Variants in CACNG2 observed in about 807,000 individuals in gnomAD.
CACNG2 encodes calcium voltage-gated channel auxiliary subunit gamma 2.
CACNG2 carries 3 observed loss-of-function variants against 25.9 expected under a neutral mutation model. The observed-to-expected ratio is 0.12, with a 90% CI of 0.05 to 0.30. CACNG2 has a LOEUF of 0.30. Among genes scored for constraint, CACNG2 ranks in the 10% least tolerant of loss-of-function variants. CACNG2 has a pLI of 1.00. For missense variants in CACNG2, 341 were observed against 432.5 expected, an observed-to-expected ratio of 0.79 and a Z score of 1.88; for synonymous variants, 167 against 173.3, an observed-to-expected ratio of 0.96 and a Z score of 0.29.
chr22:36,672,487 C>T (rs761134219), intron 1 of CACNG2, among the ~76,000 whole-genome samples: 1 of 152,110 alleles, frequency 6.6e-6, no homozygotes, highest in African/African-American at 2.4e-5. Context: ...AAGAGGAAAC[C>T]GGGAAACCAC....
intron 1 of CACNG2, among the ~76,000 whole-genome samples, chr22:36,604,117 T>G (rs955216406): frequency 1.3e-5 from 2 of 152,118 alleles, no homozygotes; most frequent in African/African-American, 4.8e-5. Context: ...TTTGGAAGAA[T>G]TGGTTCCAAC....
chr22:36,645,499 T>A (rs943969918), intron 1 of CACNG2, among the ~76,000 whole-genome samples: 1 of 143,738 alleles, frequency 7.0e-6, no homozygotes, highest in African/African-American at 2.6e-5. Context: ...ATCGCGCCAC[T>A]GCACTCCAGC....
At chr22:36,640,944 C>T (rs1936434864) in intron 1 of CACNG2, among the ~76,000 whole-genome samples, 1 of 152,180 alleles carries the variant, frequency 6.6e-6, no homozygotes, top group African/African-American at 2.4e-5. Context: ...CATCTGTCTC[C>T]TTCTTGGGGC....
At chr22:36,631,429 CT>C (rs1406426198) in intron 1 of CACNG2, among the ~76,000 whole-genome samples, 3 of 152,136 alleles carry the variant, frequency 2.0e-5, no homozygotes, top group Non-Finnish European at 4.4e-5. Flanking sequence ...CAGCAGTGTC[CT>C]TCAGGGGAAG....
intron 1 of CACNG2, among the ~76,000 whole-genome samples, chr22:36,676,699 C>T (rs1450388989): frequency 6.6e-6 from 1 of 152,170 alleles, no homozygotes; most frequent in African/African-American, 2.4e-5. Flanking sequence ...GTCTGTTTTA[C>T]AGAGGTTTAG....
chr22:36,697,597 G>T (rs1489213705), intron 1 of CACNG2, among the ~76,000 whole-genome samples: 2 of 152,242 alleles, frequency 1.3e-5, no homozygotes, highest in African/African-American at 4.8e-5. Context: ...AGGGCAGGGA[G>T]TGTGGTGTGA....
intron 1 of CACNG2, among the ~76,000 whole-genome samples, chr22:36,651,638 T>C (rs1437262196): frequency 6.6e-6 from 1 of 152,204 alleles, no homozygotes; most frequent in Non-Finnish European, 1.5e-5. Flanking sequence ...TTTTTGTTAT[T>C]GTGTCTCTCC....
intron 3 of CACNG2, among the ~76,000 whole-genome samples, chr22:36,565,935 G>A (rs895663934): frequency 2.6e-5 from 4 of 152,250 alleles, no homozygotes; most frequent in African/African-American, 9.6e-5. Flanking sequence ...GTAGAACAGT[G>A]AGGGGAGAGT....
intron 1 of CACNG2, among the ~76,000 whole-genome samples, chr22:36,598,114 T>C (rs1014877512): frequency 1.3e-5 from 2 of 152,240 alleles, no homozygotes; most frequent in South Asian, 4.1e-4. Context: ...TGAAACATCA[T>C]TATCACATTG....
rs1935038140 is a variant in CACNG2, at chr22:36,562,118, G to A, written c.*2233C>T. The stretch of plus-strand genomic sequence containing the variant: ...CCCCTCTTTGCCTGAACAGCTTTAT[G>A]TTTGCTCACATGTGTGTATTTTTGC... On this transcript the variant is annotated 3_prime_UTR_variant, in exon 4 of 4. Coordinates refer to ENST00000300105, the MANE Select transcript of CACNG2 (RefSeq NM_006078.5). The A allele has an allele frequency of 6.6e-6, 1 of 152,646 alleles. No homozygotes were observed. The highest frequency in any genetic ancestry group is 1.5e-5 in the Non-Finnish European group (1 of 68,426). 9.5% of individuals were successfully genotyped at this position (152,646 alleles called of 1,614,324 possible).
chr22:36,610,056 G>T (rs917350452), intron 1 of CACNG2, among the ~76,000 whole-genome samples: 1 of 151,690 alleles, frequency 6.6e-6, no homozygotes, highest in Non-Finnish European at 1.5e-5. Context: ...GCAGGAATCA[G>T]CACCCCAGAG....
intron 1 of CACNG2, among the ~76,000 whole-genome samples, chr22:36,650,891 T>C (rs1276496538): frequency 6.6e-6 from 1 of 152,206 alleles, no homozygotes; most frequent in African/African-American, 2.4e-5. Context: ...TTCCTCTACC[T>C]GAGTCACCTT....
intron 1 of CACNG2, among the ~76,000 whole-genome samples, chr22:36,694,523 T>C: frequency 6.6e-6 from 1 of 152,260 alleles, no homozygotes. Flanking sequence ...CTGAGCCTCA[T>C]TCAAATTGCA....
intron 1 of CACNG2, among the ~76,000 whole-genome samples, chr22:36,660,039 C>T (rs1038842819): frequency 6.6e-6 from 1 of 152,252 alleles, no homozygotes; most frequent in Non-Finnish European, 1.5e-5. Context: ...CCCCCCACGA[C>T]TCTGCTCCTG....
At chr22:36,655,545 A>G (rs771218395) in intron 1 of CACNG2, among the ~76,000 whole-genome samples, 32 of 152,308 alleles carry the variant, frequency 2.1e-4, no homozygotes, top group Admixed American at 1.4e-3. Flanking sequence ...CGCCCTTTAT[A>G]GATTCAGCCC....
In CACNG2 at chr22:36,686,173, C is replaced by T. The variant is rs117936598; in HGVS notation, c.211+16193G>A. On this transcript the variant is annotated intron_variant, in intron 1 of 3. Coordinates refer to ENST00000300105, the MANE Select transcript of CACNG2 (RefSeq NM_006078.5). ...GGCAGGAGAAAGGGGAGAGTGGCCA[C>T]CACTCCTGGCTTGGATGGGCCCCTG... Among the ~76,000 whole-genome samples, 771 of 152,274 alleles carry T rather than the reference C, an allele frequency of 5.1e-3. 26 individuals are homozygous for T. The East Asian group carries it at 0.067, about 13-fold the overall frequency.
intron 1 of CACNG2, among the ~76,000 whole-genome samples, chr22:36,635,108 C>A (rs2145961462): frequency 6.6e-6 from 1 of 151,904 alleles, no homozygotes; most frequent in East Asian, 1.9e-4. Context: ...ATGGTGAAAC[C>A]CTGTCTCTAC....
rs1935018620 is a variant in CACNG2, at chr22:36,561,014, C to T, written c.*3337G>A. 1 of 150,932 alleles carries T rather than the reference C, an allele frequency of 6.6e-6. No individual in the cohort carries two copies. Among genetic ancestry groups the T allele is most frequent in the Non-Finnish European group, 1.5e-5 (1 of 67,956 alleles). 9.3% of individuals were successfully genotyped at this position (150,932 alleles called of 1,614,324 possible). A position where few individuals can be genotyped will look rare whatever the true frequency, so the allele number is the denominator to read the frequency against. ...ATGGAGGTTAGTTTCTTGAACTGGT[C>T]TGAGCTGGACATGAGCAATCATCCA... is the stretch of plus-strand genomic sequence containing the variant. On this transcript the variant is annotated 3_prime_UTR_variant, in exon 4 of 4. Transcript: ENST00000300105.
Position 36,583,065 on chromosome 22 carries a change from G to A in CACNG2, c.295+4400C>T, listed in dbSNP as rs566963885. Among the ~76,000 whole-genome samples, 15 of 152,220 alleles carry A rather than the reference G, an allele frequency of 9.9e-5. No homozygotes were observed. The East Asian group carries it at 2.7e-3, about 27-fold the overall frequency. ...GGTTGGTCCAGTTCCTCATGCTGCAGAGGTCTTGGGTTTAGGAATACTCCG... is the reference window on the plus strand; with the variant it reads ...GGTTGGTCCAGTTCCTCATGCTGCAAAGGTCTTGGGTTTAGGAATACTCCG... On this transcript the variant is annotated intron_variant, in intron 2 of 3. Coordinates refer to ENST00000300105, the MANE Select transcript of CACNG2 (RefSeq NM_006078.5).
Sources: allele counts gnomAD v4.1 joint callset (sites outside exome capture counted in the v4.1 genomes callset), GRCh38; gene constraint gnomAD v4.1.1; transcripts MANE v1.5; gene names NCBI Gene and HGNC (gene_info 2026-07-23, HGNC 2026-07-21).